The following PPARGC1A variants were observed in gnomAD, a reference collection of about 807,000 sequenced individuals.
PPARGC1A encodes the protein peroxisome proliferator-activated receptor gamma coactivator 1-alpha.
PPARGC1A carries 25 observed loss-of-function variants against 88.7 expected under a neutral mutation model. That is an observed-to-expected ratio of 0.28 (90% confidence interval 0.21 to 0.39). The LOEUF is 0.39. Ranked by LOEUF, PPARGC1A falls within the 10% of genes least tolerant of loss-of-function variation. The pLI is 1.00. For missense variants in PPARGC1A, 880 were observed against 968.7 expected (o/e 0.91, Z 1.22); for synonymous variants, 363 against 355.6 (o/e 1.02, Z -0.24).
At chr4:24,202,065 C>G in the PPARGC1A span, among the ~76,000 whole-genome samples, 1 of 152,034 alleles carries the variant, frequency 6.6e-6, no homozygotes. Flanking sequence ...CCACACCCAG[C>G]TAATTTTTGT....
the PPARGC1A span, among the ~76,000 whole-genome samples, chr4:24,402,995 C>T: frequency 2.0e-5 from 3 of 152,312 alleles, no homozygotes; most frequent in South Asian, 4.1e-4. Context: ...TGAAAATATT[C>T]GCTCTGATCC....
chr4:24,438,451 C>A, the PPARGC1A span, among the ~76,000 whole-genome samples: 154 of 152,288 alleles, frequency 1.0e-3, 1 homozygote, highest in African/African-American at 3.6e-3. Flanking sequence ...TCCATCAATC[C>A]TCCCACTTGT....
chr4:24,131,353 T>A, the PPARGC1A span, among the ~76,000 whole-genome samples: 6 of 152,194 alleles, frequency 3.9e-5, no homozygotes, highest in Non-Finnish European at 7.3e-5. Context: ...GTTACAACTT[T>A]AATCAATCAA....
At chr4:24,432,267 AAAG>A in the PPARGC1A span, among the ~76,000 whole-genome samples, 1 of 152,206 alleles carries the variant, frequency 6.6e-6, no homozygotes, top group African/African-American at 2.4e-5. Context: ...CTGTGACAGA[AAAG>A]AAGAGGAGGA....
chr4:23,905,407 T>C (rs1023482728), upstream of PPARGC1A, among the ~76,000 whole-genome samples: 2 of 152,202 alleles, frequency 1.3e-5, no homozygotes, highest in Non-Finnish European at 2.9e-5. Flanking sequence ...AATAATGCCA[T>C]CTTAATCCTG....
the PPARGC1A span, among the ~76,000 whole-genome samples, chr4:24,177,660 TAAATAAAA>T: frequency 2.2e-4 from 11 of 49,054 alleles, no homozygotes; most frequent in East Asian, 2.3e-3. Flanking sequence ...AATAAATAAA[TAAATAAAA>T]TTTTTAAAAA....
the PPARGC1A span, among the ~76,000 whole-genome samples, chr4:24,103,191 T>C: frequency 3.2e-4 from 48 of 152,242 alleles, no homozygotes; most frequent in South Asian, 3.5e-3. Context: ...TTCCAAAACT[T>C]TTCATGGCTT....
chr4:24,338,236 G>C, the PPARGC1A span, among the ~76,000 whole-genome samples: 1 of 152,074 alleles, frequency 6.6e-6, no homozygotes, highest in East Asian at 1.9e-4. Context: ...GAACCACACC[G>C]AGCGCATTTA....
the PPARGC1A span, among the ~76,000 whole-genome samples, chr4:24,222,893 C>A: frequency 6.6e-6 from 1 of 152,126 alleles, no homozygotes. Context: ...CTTATGCCAC[C>A]TCCCAAATAA....
the PPARGC1A span, among the ~76,000 whole-genome samples, chr4:24,308,669 A>G: frequency 6.6e-6 from 1 of 152,134 alleles, no homozygotes; most frequent in Non-Finnish European, 1.5e-5. Context: ...GGGTGAGAGG[A>G]AGGGCTCTAG....
chr4:24,297,732 T>C, the PPARGC1A span, among the ~76,000 whole-genome samples: 1 of 152,138 alleles, frequency 6.6e-6, no homozygotes, highest in African/African-American at 2.4e-5. Context: ...AATCCCACTG[T>C]ACACCAGAAA....
chr4:23,978,943 C>T, the PPARGC1A span, among the ~76,000 whole-genome samples: 1 of 152,210 alleles, frequency 6.6e-6, no homozygotes, highest in Admixed American at 6.5e-5. Flanking sequence ...TGGCTCACTG[C>T]TTACCATATA....
chr4:23,934,797 C>T, the PPARGC1A span, among the ~76,000 whole-genome samples: 1 of 152,170 alleles, frequency 6.6e-6, no homozygotes, highest in East Asian at 1.9e-4. Context: ...TTTTAAGTGG[C>T]TTGCCCAAGA....
the PPARGC1A span, among the ~76,000 whole-genome samples, chr4:23,933,132 AT>A: frequency 6.6e-6 from 1 of 151,722 alleles, no homozygotes; most frequent in Non-Finnish European, 1.5e-5. Context: ...AGCTCTGTGA[AT>A]TTTTTTTTAA....
chr4:24,023,599 T>C, the PPARGC1A span, among the ~76,000 whole-genome samples: 2 of 152,194 alleles, frequency 1.3e-5, no homozygotes, highest in African/African-American at 4.8e-5. Context: ...TTAAGTTTCA[T>C]TTCCCTTTGA....
intron 2 of PPARGC1A, 148 bp downstream of exon 2, chr4:23,884,604 T>C (rs945585115): frequency 4.9e-5 from 30 of 611,906 alleles, no homozygotes; most frequent in Non-Finnish European, 6.7e-5. Flanking sequence ...ATGCTGTTTT[T>C]CCATAAATTA....
At chr4:24,119,585 T>G in the PPARGC1A span, among the ~76,000 whole-genome samples, 1 of 152,178 alleles carries the variant, frequency 6.6e-6, no homozygotes, top group Non-Finnish European at 1.5e-5. Context: ...CTGCCCAGTG[T>G]TACAATAATA....
intron 2 of PPARGC1A, among the ~76,000 whole-genome samples, chr4:23,854,185 G>C (rs1351573065): frequency 6.6e-6 from 1 of 152,178 alleles, no homozygotes; most frequent in Non-Finnish European, 1.5e-5. Context: ...ACAAGTGTCA[G>C]ATAAGTCAGT....
At chr4:24,101,732 A>G in the PPARGC1A span, among the ~76,000 whole-genome samples, 1 of 152,268 alleles carries the variant, frequency 6.6e-6, no homozygotes, top group Non-Finnish European at 1.5e-5. Context: ...AATAGAAATC[A>G]ATATAAATGT....
Sources: allele counts gnomAD v4.1 joint callset (sites outside exome capture counted in the v4.1 genomes callset), GRCh38; gene constraint gnomAD v4.1.1; transcripts MANE v1.5; gene names NCBI Gene and HGNC (gene_info 2026-07-23, HGNC 2026-07-21).